Variants in GLS observed in about 807,000 individuals in gnomAD.
The protein encoded by GLS is glutaminase, also known as glutaminase kidney isoform, mitochondrial.
In GLS, 36 loss-of-function variants were observed where a neutral mutation model predicts 86.7. The observed-to-expected ratio is 0.42, with a 90% CI of 0.32 to 0.55. The LOEUF (loss-of-function observed/expected upper bound fraction) is 0.55. Ranked by LOEUF, GLS falls within the 20% of genes least tolerant of loss-of-function variation. The pLI, the probability that GLS is intolerant of heterozygous loss-of-function variation, is 0.17. For synonymous variants in GLS, 317 were observed against 305.9 expected (o/e 1.04, Z -0.38); for missense variants, 528 against 833.4 (o/e 0.63, Z 4.51).
chr2:190,929,854 A>T (rs193239665), intron 12 of GLS, among the ~76,000 whole-genome samples: 2,464 of 142,254 alleles, frequency 0.017, 34 homozygotes, highest in Non-Finnish European at 0.022. Flanking sequence ...ATATATATAT[A>T]TTTTTTTTTT....
In GLS at chr2:190,902,286, A is replaced by G. The variant is rs1277785359; in HGVS notation, c.815+260A>G. 2.6e-5 allele frequency among the ~76,000 whole-genome samples: 4 copies of G among 152,252 alleles called. No homozygotes were observed. The East Asian group carries it at 7.7e-4, about 29-fold the overall frequency. On this transcript the variant is annotated intron_variant, in intron 5 of 17. Coordinates refer to ENST00000320717, the MANE Select transcript of GLS (RefSeq NM_014905.5). Reference sequence around the variant, plus strand: ...ATTATTCAAATACCTGCAGTTACCAATTTGTTTCAGAAAAGCAGGCTTGTC... The same window carrying G: ...ATTATTCAAATACCTGCAGTTACCAGTTTGTTTCAGAAAAGCAGGCTTGTC...
Position 190,956,509 on chromosome 2 carries a change from G to A in GLS, c.1853+1691G>A, listed in dbSNP as rs1033954604. On this transcript the variant is annotated intron_variant, in intron 17 of 17. Transcript: ENST00000320717. The surrounding 1 kb of genome is among the most constrained non-coding windows in gnomAD (Gnocchi z 4.2). ...ATACTGTTTTGATTACTGTAGCCTT[G>A]TAGTATAGTTTGAAGTCAGGTAGCG... Among the ~76,000 whole-genome samples the A allele has an allele frequency of 3.3e-5, 5 of 152,158 alleles. No homozygotes were observed. The highest frequency in any genetic ancestry group is 7.3e-5 in the Non-Finnish European group (5 of 68,040).
In GLS at chr2:190,954,556, ATAAATAGC is replaced by A. The variant is rs1314928120; in HGVS notation, c.1713-26_1713-19del. The stretch of plus-strand genomic sequence containing the variant: ...GTGAATTAAATTTGCTTTATATATA[ATAAATAGC>A]TGTGCTTACACATTTTCAGATTTGC... On this transcript the variant is annotated intron_variant, in intron 15 of 17. Coordinates refer to ENST00000320717, the MANE Select transcript of GLS (RefSeq NM_014905.5). The surrounding 1 kb of genome is among the most constrained non-coding windows in gnomAD (Gnocchi z 4.0). 2 of 1,515,152 alleles carry A rather than the reference ATAAATAGC, an allele frequency of 1.3e-6. No homozygotes were observed. The highest frequency in any genetic ancestry group is 1.8e-6 in the Non-Finnish European group (2 of 1,096,260). The allele number at this position is 1,515,152 out of a possible 1,614,324, so 93.9% of individuals were successfully genotyped here.
chr2:190,928,398 G>A (rs572928599), intron 12 of GLS, among the ~76,000 whole-genome samples: 126 of 149,724 alleles, frequency 8.4e-4, no homozygotes, highest in Admixed American at 1.6e-3. Context: ...GCAGTGGCAC[G>A]ATCTTGGCTC....
rs1299685089 is a variant in GLS at position 190,938,557 on chromosome 2, T to C, written c.1650+6920T>C. Among the ~76,000 whole-genome samples, 1 of 151,620 alleles carries C rather than the reference T, an allele frequency of 6.6e-6. No homozygotes were observed. Among genetic ancestry groups the C allele is most frequent in the African/African-American group, 2.4e-5 (1 of 41,442 alleles). ...TTTGAAAGTAATCTTAAATGTTACC[T>C]GGTACAGACTCCCACCCCACTCAGC... On this transcript the variant is annotated intron_variant, in intron 14 of 17. Transcript: ENST00000320717. This position sits in a 1 kb window ranked among gnomAD's most constrained non-coding sequence, Gnocchi z 4.1.
chr2:190,881,827 G>T (rs549238440), intron 1 of GLS: 2 of 205,818 alleles, frequency 9.7e-6, no homozygotes, highest in Non-Finnish European at 9.8e-6. Flanking sequence ...GCGCCTGGCC[G>T]CCCGCCCCAG....
chr2:190,964,314 A>C lies in GLS; in HGVS notation c.*1328A>C, dbSNP rs376634581. 5 of 152,232 alleles carry C rather than the reference A, an allele frequency of 3.3e-5. No homozygotes were observed. The highest frequency in any genetic ancestry group is 1.2e-4 in the African/African-American group (5 of 41,540). 9.4% of individuals were successfully genotyped at this position (152,232 alleles called of 1,614,324 possible). A position where few individuals can be genotyped will look rare whatever the true frequency, so the allele number is the denominator to read the frequency against. ...GAGATAAAGTGGCATGTTAGTGAGG[A>C]GTTCTGATATTAAGCACACACACAC... On this transcript the variant is annotated 3_prime_UTR_variant, in exon 18 of 18. Transcript: ENST00000320717. This position sits in a 1 kb window ranked among gnomAD's most constrained non-coding sequence, Gnocchi z 5.2.
At position 190,913,408 on chromosome 2, in the gene GLS, G is replaced by T; in HGVS notation, c.1038+3087G>T. 3 of 919,000 alleles carry T rather than the reference G, an allele frequency of 3.3e-6. No individual in the cohort carries two copies. The highest frequency in any genetic ancestry group is 4.1e-6 in the Non-Finnish European group (3 of 728,004). The allele number at this position is 919,000 out of a possible 1,614,324, so 56.9% of individuals were successfully genotyped here. ...ACAAATGTAATTTTATACTTAAAAT[G>T]CACATAATTTTTAAAAATCATAAGG... On this transcript the variant is annotated intron_variant, in intron 7 of 17. Coordinates refer to ENST00000320717, the MANE Select transcript of GLS (RefSeq NM_014905.5). This position sits in a 1 kb window ranked among gnomAD's most constrained non-coding sequence, Gnocchi z 6.1.
chr2:190,930,498 T>C lies in GLS; in HGVS notation c.1487T>C (p.Met496Thr). 6.2e-7 allele frequency: 1 copy of C among 1,611,750 alleles called. No homozygotes were observed. Among genetic ancestry groups the C allele is most frequent in the Non-Finnish European group, 8.5e-7 (1 of 1,177,956 alleles). Residue 496 changes from methionine (M) to threonine (T), a missense_variant, in exon 13 of 18, where the codon ATG (methionine) becomes ACG (threonine). Transcript: ENST00000320717. The surrounding 1 kb of genome is among the most constrained non-coding windows in gnomAD (Gnocchi z 5.0). ...GGILLVVPNV[M>T]GMMCWSPPLD... ...ATTCTTTTAGTTGTCCCCAATGTTA[T>C]GGGTATGATGTGCTGGTCTCCTCCT...
At chr2:190,942,914 C>T (rs991884509) in intron 14 of GLS, among the ~76,000 whole-genome samples, 1 of 152,148 alleles carries the variant, frequency 6.6e-6, no homozygotes, top group African/African-American at 2.4e-5. Context: ...TTAGAAATCA[C>T]GCCTATCAAC....
intron 3 of GLS, among the ~76,000 whole-genome samples, chr2:190,898,909 T>C (rs1039452967): frequency 1.3e-5 from 2 of 152,242 alleles, no homozygotes; most frequent in Non-Finnish European, 2.9e-5. Flanking sequence ...ATTATAGGCG[T>C]GAGCCACCGT....
chr2:190,917,939 C>A (rs951287260), intron 7 of GLS, among the ~76,000 whole-genome samples: 6 of 151,988 alleles, frequency 3.9e-5, no homozygotes, highest in African/African-American at 1.4e-4. Context: ...AAAACAAAAT[C>A]TTTTTGAGCC....
intron 14 of GLS, among the ~76,000 whole-genome samples, chr2:190,946,767 A>C (rs1030167233): frequency 5.3e-5 from 8 of 151,932 alleles, no homozygotes; most frequent in African/African-American, 1.9e-4. Flanking sequence ...AAGAACTTTT[A>C]TGGATTAGAG....
chr2:190,904,933 A>G lies in GLS; in HGVS notation c.816-71A>G, dbSNP rs536878178. 26 of 877,442 alleles carry G rather than the reference A, an allele frequency of 3.0e-5. No homozygotes were observed. In the East Asian group the frequency reaches 6.2e-4, roughly 21 times the overall value. The allele number at this position is 877,442 out of a possible 1,614,324, so 54.4% of individuals were successfully genotyped here. ...GTTGGAATTGTTAACATGTAAAAAG[A>G]ATAATTCCAACTATGCAGTTACATT... On this transcript the variant is annotated intron_variant, in intron 5 of 17. Coordinates refer to ENST00000320717, the MANE Select transcript of GLS (RefSeq NM_014905.5).
In GLS at chr2:190,962,253, A is replaced by G. The variant is rs1691021573; in HGVS notation, c.1854-577A>G. ...GTTACTCTTCTGGTGTAGTGGTCCG[A>G]TTGAGTCCATGGCTTCCCAGCCTTA... On this transcript the variant is annotated intron_variant, in intron 17 of 17. Transcript: ENST00000320717. This position sits in a 1 kb window ranked among gnomAD's most constrained non-coding sequence, Gnocchi z 4.2. Among the ~76,000 whole-genome samples, 2 of 152,174 alleles carry G rather than the reference A, an allele frequency of 1.3e-5. No individual in the cohort carries two copies. Among genetic ancestry groups the G allele is most frequent in the Non-Finnish European group, 2.9e-5 (2 of 68,032 alleles).
chr2:190,929,570 A>G (rs575003455), intron 12 of GLS, among the ~76,000 whole-genome samples: 2 of 149,616 alleles, frequency 1.3e-5, no homozygotes, highest in African/African-American at 4.9e-5. Context: ...CCCAGGTTCA[A>G]GCGATTCTCC....
At position 190,920,919 on chromosome 2, in the gene GLS, T is replaced by G. The variant is rs962003795; in HGVS notation, c.1039-105T>G. The G allele has an allele frequency of 1.8e-5, 11 of 622,660 alleles. No homozygotes were observed. Among genetic ancestry groups the G allele is most frequent in the African/African-American group, 1.7e-4 (9 of 54,008 alleles). 38.6% of individuals were successfully genotyped at this position (622,660 alleles called of 1,614,324 possible). Reference sequence around the variant, plus strand: ...AACTATTTCCTAGATTTAAAAATACTAATGCAGTATATTATAATAGTAGCT... The same window carrying G: ...AACTATTTCCTAGATTTAAAAATACGAATGCAGTATATTATAATAGTAGCT... On this transcript the variant is annotated intron_variant, in intron 7 of 17. Coordinates refer to ENST00000320717, the MANE Select transcript of GLS (RefSeq NM_014905.5). The surrounding 1 kb of genome is among the most constrained non-coding windows in gnomAD (Gnocchi z 4.2).
At chr2:190,942,041 CAG>C (rs964222951) in intron 14 of GLS, among the ~76,000 whole-genome samples, 9 of 119,130 alleles carry the variant, frequency 7.6e-5, no homozygotes, top group Non-Finnish European at 1.6e-4. Flanking sequence ...GGACTTTATT[CAG>C]AGTTTAGTGT....
In GLS at chr2:190,924,825, GA is replaced by G. The variant is rs1689847907; in HGVS notation, c.1248+234del. 4 of 391,546 alleles carry G rather than the reference GA, an allele frequency of 1.0e-5. No individual in the cohort carries two copies. The highest frequency in any genetic ancestry group is 1.9e-5 in the Non-Finnish European group (4 of 212,994). 24.3% of individuals were successfully genotyped at this position (391,546 alleles called of 1,614,324 possible). A position where few individuals can be genotyped will look rare whatever the true frequency, so the allele number is the denominator to read the frequency against. On this transcript the variant is annotated intron_variant, in intron 11 of 17. Transcript: ENST00000320717. The surrounding 1 kb of genome is among the most constrained non-coding windows in gnomAD (Gnocchi z 5.2). Reference sequence around the variant, plus strand: ...AGTTACTTGTGAGGCTGAGGCAGGAGAATCCCTTGAACCTGGAAGGCCGAGG... The same window carrying G: ...AGTTACTTGTGAGGCTGAGGCAGGAGATCCCTTGAACCTGGAAGGCCGAGG...
Sources: gnomAD v4.1 joint callset for allele counts (sites outside exome capture counted in the v4.1 genomes callset) on GRCh38, gnomAD v4.1.1 for gene constraint, Gnocchi (gnomAD v3.1) non-coding constraint, MANE v1.5 for transcripts, NCBI Gene and HGNC (gene_info 2026-07-23, HGNC 2026-07-21) for gene names.